ELMO1: variants seen among roughly 807,000 people sequenced by gnomAD.
The protein encoded by ELMO1 is engulfment and cell motility protein 1.
A neutral mutation model predicts 98.9 loss-of-function variants in ELMO1; 26 were observed. That is an observed-to-expected ratio of 0.26 (90% CI 0.19 to 0.36). The LOEUF (loss-of-function observed/expected upper bound fraction) is 0.36, where lower values mean the gene tolerates loss of function less well. Among genes scored for constraint, ELMO1 ranks in the 10% least tolerant of loss-of-function variants. ELMO1 has a pLI of 1.00. For missense variants in ELMO1, 627 were observed against 935.2 expected, an observed-to-expected ratio of 0.67 and a Z score of 4.30; for synonymous variants, 346 against 346.0, an observed-to-expected ratio of 1.00 and a Z score of 0.00.
At chr7:37,413,122 G>C (rs1804061086) in intron 1 of ELMO1, among the ~76,000 whole-genome samples, 1 of 136,172 alleles carries the variant, frequency 7.3e-6, no homozygotes, top group Non-Finnish European at 1.6e-5. Flanking sequence ...GACATAACTT[G>C]ACCAAATTTT....
intron 16 of ELMO1, among the ~76,000 whole-genome samples, chr7:36,931,925 T>A (rs1293811947): frequency 6.6e-6 from 1 of 152,228 alleles, no homozygotes; most frequent in Admixed American, 6.5e-5. Flanking sequence ...GTGTATATCT[T>A]TCTCTCTTTA....
At chr7:36,991,835 G>C (rs757102383) in intron 16 of ELMO1, among the ~76,000 whole-genome samples, 1 of 152,126 alleles carries the variant, frequency 6.6e-6, no homozygotes, top group Non-Finnish European at 1.5e-5. Flanking sequence ...GCTATAAAAG[G>C]CCCCATTTCC....
rs188244324 is a variant in ELMO1 at position 36,951,408 on chromosome 7, T to C, written c.1438-56391A>G. On this transcript the variant is annotated intron_variant, in intron 16 of 21. Transcript: ENST00000310758. ...TCAAAAAAGCCAAGCTCTCTCCTGT[T>C]TTTGCTCATCTGGACCCTCAGCCTG... Among the ~76,000 whole-genome samples, 33 of 152,352 alleles carry C rather than the reference T, an allele frequency of 2.2e-4. 1 individual carries two copies. The East Asian group carries it at 5.4e-3, about 25-fold the overall frequency.
chr7:36,910,560 G>A (rs570583584), intron 16 of ELMO1, among the ~76,000 whole-genome samples: 1 of 152,290 alleles, frequency 6.6e-6, no homozygotes, highest in Non-Finnish European at 1.5e-5. Flanking sequence ...AACAGGCACT[G>A]GAATCAGGCA....
At position 37,292,343 on chromosome 7, in the gene ELMO1, A is replaced by C. The variant is rs1409330002; in HGVS notation, c.193-20461T>G. On this transcript the variant is annotated intron_variant, in intron 4 of 21. Transcript: ENST00000310758. ...CCTGCCTTGGCCTCCCAAAGTGCCG[A>C]GATTGCAGCCTCTGCCCGGCCGCCA... is the stretch of plus-strand genomic sequence containing the variant. 2.3e-4 allele frequency among the ~76,000 whole-genome samples: 19 copies of C among 84,324 alleles called. 1 individual carries two copies. The highest frequency in any genetic ancestry group is 6.2e-4 in the African/African-American group (19 of 30,510). 55.3% of individuals were successfully genotyped at this position (84,324 alleles called of 152,430 possible). A position where few individuals can be genotyped will look rare whatever the true frequency, so the allele number is the denominator to read the frequency against.
At chr7:37,312,828 A>G (rs150847871) in intron 4 of ELMO1, among the ~76,000 whole-genome samples, 1 of 152,314 alleles carries the variant, frequency 6.6e-6, no homozygotes, top group East Asian at 1.9e-4. Flanking sequence ...CACCAGTGTA[A>G]TCTACATGTA....
rs551161809 is a variant in ELMO1, at chr7:37,249,137, G to A, written c.414-4746C>T. ...CATCAAAACAAAGTGTATAATTCAA[G>A]CTATACCTCAGTTTTCACAACATTC... On this transcript the variant is annotated intron_variant, in intron 6 of 21. Coordinates refer to ENST00000310758, the MANE Select transcript of ELMO1 (RefSeq NM_014800.11). Among the ~76,000 whole-genome samples, 34 of 152,252 alleles carry A rather than the reference G, an allele frequency of 2.2e-4. No homozygotes were observed. In the South Asian group the frequency reaches 6.8e-3, roughly 31 times the overall value.
chr7:37,149,020 A>C (rs1018581606), intron 13 of ELMO1, among the ~76,000 whole-genome samples: 7 of 152,234 alleles, frequency 4.6e-5, no homozygotes, highest in African/African-American at 1.4e-4. Flanking sequence ...ATTCTCCTGG[A>C]GCCCAGCACA....
At position 37,082,719 on chromosome 7, in the gene ELMO1, TCAAACAAA is replaced by T. The variant is rs34913326; in HGVS notation, c.1300+13892_1300+13899del. ...GCACTCCAGCCCGGGTGACCCTGTC[TCAAACAAA>T]CAAACAAACAAACAAACAAACAGAA... On this transcript the variant is annotated intron_variant, in intron 15 of 21. Coordinates refer to ENST00000310758, the MANE Select transcript of ELMO1 (RefSeq NM_014800.11). Among the ~76,000 whole-genome samples the T allele has an allele frequency of 5.6e-4, 85 of 151,196 alleles. No homozygotes were observed. In the East Asian group the frequency reaches 0.011, roughly 20 times the overall value.
At chr7:37,369,074 G>A (rs965291376) in intron 1 of ELMO1, among the ~76,000 whole-genome samples, 5 of 152,002 alleles carry the variant, frequency 3.3e-5, no homozygotes, top group East Asian at 3.8e-4. Context: ...CAAAATAAAC[G>A]GATAAACATA....
intron 16 of ELMO1, among the ~76,000 whole-genome samples, chr7:36,999,138 G>T (rs1006184532): frequency 6.6e-6 from 1 of 152,106 alleles, no homozygotes; most frequent in African/African-American, 2.4e-5. Flanking sequence ...GGTGAGTGCA[G>T]GATAGGAGAA....
chr7:37,178,101 T>G (rs925377293), intron 13 of ELMO1, among the ~76,000 whole-genome samples: 1 of 151,926 alleles, frequency 6.6e-6, no homozygotes, highest in African/African-American at 2.4e-5. Context: ...GGATTAGCAG[T>G]ATGTTAGTCC....
At chr7:37,203,016 C>T (rs1372756204) in intron 13 of ELMO1, among the ~76,000 whole-genome samples, 2 of 152,000 alleles carry the variant, frequency 1.3e-5, no homozygotes, top group Non-Finnish European at 2.9e-5. Flanking sequence ...CAGAAACAAC[C>T]CCTCCCCAAG....
chr7:37,144,236 A>C (rs1231623857), intron 13 of ELMO1, among the ~76,000 whole-genome samples: 1 of 152,090 alleles, frequency 6.6e-6, no homozygotes, highest in Non-Finnish European at 1.5e-5. Flanking sequence ...TACAGAATGA[A>C]CTATGTTCTC....
At chr7:37,199,309 G>A (rs866942165) in intron 13 of ELMO1, among the ~76,000 whole-genome samples, 1 of 152,114 alleles carries the variant, frequency 6.6e-6, no homozygotes, top group Non-Finnish European at 1.5e-5. Context: ...CCTTAAAATA[G>A]TTCCTCTAAA....
At chr7:37,410,015 T>G (rs77830363) in intron 1 of ELMO1, among the ~76,000 whole-genome samples, 3,170 of 152,288 alleles carry the variant, frequency 0.021, 117 homozygotes, top group African/African-American at 0.073. Flanking sequence ...TCCCGCAAAG[T>G]CACATAGCTA....
chr7:36,987,116 A>C (rs548524566), intron 16 of ELMO1, among the ~76,000 whole-genome samples: 2 of 152,306 alleles, frequency 1.3e-5, no homozygotes, highest in African/African-American at 4.8e-5. Context: ...CGGAGTGTTC[A>C]GGCCCAGCTC....
At chr7:37,148,858 A>G (rs1250414898) in intron 13 of ELMO1, among the ~76,000 whole-genome samples, 1 of 152,146 alleles carries the variant, frequency 6.6e-6, no homozygotes. Context: ...ACTTTAAAAC[A>G]AGGGATAAAT....
chr7:37,255,220 A>C (rs1199722795), intron 6 of ELMO1, among the ~76,000 whole-genome samples: 1 of 152,222 alleles, frequency 6.6e-6, no homozygotes, highest in Admixed American at 6.5e-5. Context: ...TGAAGCCATT[A>C]GGTGTCCCTA....
Sources: gnomAD v4.1 joint callset for allele counts (sites outside exome capture counted in the v4.1 genomes callset) on GRCh38, gnomAD v4.1.1 for gene constraint, MANE v1.5 for transcripts, NCBI Gene and HGNC (gene_info 2026-07-23, HGNC 2026-07-21) for gene names.